The following SNAP23 variants were observed in gnomAD, a reference collection of about 807,000 sequenced individuals.
The protein encoded by SNAP23 is synaptosomal-associated protein 23.
A neutral mutation model predicts 29.0 loss-of-function variants in SNAP23; 11 were observed. The observed-to-expected ratio is 0.38, with a 90% CI of 0.24 to 0.63. The LOEUF is 0.63. Ranked by LOEUF, SNAP23 falls within the 20% of genes least tolerant of loss-of-function variation. The probability of loss-of-function intolerance (pLI) is 0.58; values close to 1 mark genes in which losing one functional copy is unlikely to be tolerated. For synonymous variants in SNAP23, 60 were observed against 82.9 expected (o/e 0.72, Z 1.50); for missense variants, 220 against 253.9 (o/e 0.87, Z 0.91).
At chr15:42,528,186 G>A (rs1415685715) in intron 5 of SNAP23, 76 bp from the exon 6 acceptor site, 16 of 1,268,118 alleles carry the variant, frequency 1.3e-5, no homozygotes, top group Non-Finnish European at 1.8e-5. Context: ...TCATCCTCAA[G>A]GTAACAGGCA....
At chr15:42,511,809 C>T in intron 1 of SNAP23, 24 bp from the exon 2 acceptor site, 1 of 1,422,548 alleles carries the variant, frequency 7.0e-7, no homozygotes, top group Non-Finnish European at 9.7e-7. Context: ...ACAATATCCA[C>T]ATTTCCATTT....
At chr15:42,510,893 T>C (rs2057353996) in intron 1 of SNAP23, among the ~76,000 whole-genome samples, 1 of 152,000 alleles carries the variant, frequency 6.6e-6, no homozygotes, top group Non-Finnish European at 1.5e-5. Flanking sequence ...CTGGCCCAAG[T>C]TGTGACAATC....
intron 4 of SNAP23, 95 bp downstream of exon 4, chr15:42,513,542 C>G (rs956742648): frequency 1.1e-6 from 1 of 924,718 alleles, no homozygotes; most frequent in Admixed American, 1.9e-5. Flanking sequence ...TTTGGGAGAG[C>G]CTTCCCTTTG....
chr15:42,499,122 A>C (rs2141498888), intron 1 of SNAP23, among the ~76,000 whole-genome samples: 1 of 150,568 alleles, frequency 6.6e-6, no homozygotes, highest in African/African-American at 2.4e-5. Context: ...AGGCTGGAGT[A>C]CAATATCTTG....
At chr15:42,521,554 T>G (rs2057449642) in intron 5 of SNAP23, 28 of 1,517,118 alleles carry the variant, frequency 1.8e-5, no homozygotes, top group Non-Finnish European at 2.3e-5. Flanking sequence ...ATTTACTATT[T>G]TCTGCATTTC....
chr15:42,520,714 T>C (rs941195616), intron 5 of SNAP23, among the ~76,000 whole-genome samples: 2 of 152,122 alleles, frequency 1.3e-5, no homozygotes, highest in Non-Finnish European at 2.9e-5. Flanking sequence ...CAGGATGGTC[T>C]CGATCTCCTG....
intron 1 of SNAP23, among the ~76,000 whole-genome samples, chr15:42,497,043 C>CTT (rs1223381614): frequency 8.5e-5 from 12 of 141,250 alleles, no homozygotes; most frequent in Non-Finnish European, 7.8e-5. Context: ...TTCTTTCTTT[C>CTT]TTTTTTTTTT....
chr15:42,496,510 A>G (rs190165739), intron 1 of SNAP23, among the ~76,000 whole-genome samples: 2 of 152,246 alleles, frequency 1.3e-5, no homozygotes, highest in East Asian at 3.9e-4. Context: ...TGAGATCAGG[A>G]GTTCGAGACC....
rs1183538273 is a variant in SNAP23, at chr15:42,531,450, C to T, written c.608C>T (p.Ala203Val). The T allele has an allele frequency of 1.3e-6, 2 of 1,597,960 alleles. No individual in the cohort carries two copies. The highest frequency in any genetic ancestry group is 1.7e-6 in the Non-Finnish European group (2 of 1,173,604). ...TNRDRIDIAN[A>V]RAKKLIDS Reference sequence around the variant, plus strand: ...AGAGATCGTATTGATATTGCCAATGCCAGAGCAAAGAAACTCATTGACAGC... The same window carrying T: ...AGAGATCGTATTGATATTGCCAATGTCAGAGCAAAGAAACTCATTGACAGC... Residue 203 changes from alanine (A) to valine (V), a missense_variant, in exon 8 of 8, where the codon GCC (alanine) becomes GTC (valine). Physicochemically the swap from Ala to Val is moderately conservative, Grantham distance 64. Coordinates refer to ENST00000249647, the MANE Select transcript of SNAP23 (RefSeq NM_003825.4).
chr15:42,494,157 A>AT (rs2057196046), upstream of SNAP23, among the ~76,000 whole-genome samples: 1 of 152,066 alleles, frequency 6.6e-6, no homozygotes, highest in East Asian at 1.9e-4. Flanking sequence ...ATCCTTCATC[A>AT]TTCTCCCTCC....
intron 1 of SNAP23, among the ~76,000 whole-genome samples, chr15:42,505,999 G>A (rs899263004): frequency 2.0e-5 from 3 of 149,518 alleles, no homozygotes; most frequent in African/African-American, 4.9e-5. Context: ...AGGCTGGAGT[G>A]TAGTGGCATG....
At chr15:42,525,967 G>T (rs2057498247) in intron 5 of SNAP23, among the ~76,000 whole-genome samples, 1 of 152,124 alleles carries the variant, frequency 6.6e-6, no homozygotes, top group South Asian at 2.1e-4. Flanking sequence ...TGGGAAGGAG[G>T]TTGGAATGCA....
At chr15:42,519,377 C>T (rs57498153) in intron 5 of SNAP23, among the ~76,000 whole-genome samples, 6,865 of 138,986 alleles carry the variant, frequency 0.049, 530 homozygotes, top group African/African-American at 0.17. Flanking sequence ...TTTTCTTTTT[C>T]TTTTTTTTTT....
intron 1 of SNAP23, among the ~76,000 whole-genome samples, chr15:42,503,589 C>G (rs915194198): frequency 6.6e-6 from 1 of 152,204 alleles, no homozygotes; most frequent in East Asian, 1.9e-4. Flanking sequence ...AGGCTGGTCT[C>G]GAACCCATGA....
At chr15:42,491,334 G>C (rs918199046), upstream of SNAP23, 1 of 152,390 alleles carries the variant, frequency 6.6e-6, no homozygotes, top group Admixed American at 6.5e-5. Context: ...CAGCCTCCCT[G>C]GTCCCTTTTT....
Position 42,529,532 on chromosome 15 carries a change from G to A in SNAP23, c.426-143G>A, listed in dbSNP as rs192250878. On this transcript the variant is annotated intron_variant, in intron 6 of 7. Coordinates refer to ENST00000249647, the MANE Select transcript of SNAP23 (RefSeq NM_003825.4). The stretch of plus-strand genomic sequence containing the variant: ...AGTCTCCCAGTTTTTATTATAGAAT[G>A]TTTCCCAGGAATGGTAACCTATATT... 4.5e-5 allele frequency: 34 copies of A among 758,342 alleles called. No homozygotes were observed. The East Asian group carries it at 7.9e-4, about 18-fold the overall frequency. The allele number at this position is 758,342 out of a possible 1,614,324, so 47.0% of individuals were successfully genotyped here. A position where few individuals can be genotyped will look rare whatever the true frequency, so the allele number is the denominator to read the frequency against.
intron 1 of SNAP23, among the ~76,000 whole-genome samples, chr15:42,504,763 C>A (rs2057304132): frequency 6.6e-6 from 1 of 152,154 alleles, no homozygotes; most frequent in Non-Finnish European, 1.5e-5. Flanking sequence ...GGTCACACAA[C>A]AAATACATTG....
chr15:42,515,025 T>C (rs892940720), intron 4 of SNAP23, among the ~76,000 whole-genome samples: 5 of 152,096 alleles, frequency 3.3e-5, no homozygotes, highest in Admixed American at 3.3e-4. Flanking sequence ...TAGAACAAAT[T>C]TTTCCACAGC....
At chr15:42,506,497 A>T (rs1172620538) in intron 1 of SNAP23, among the ~76,000 whole-genome samples, 1 of 152,200 alleles carries the variant, frequency 6.6e-6, no homozygotes, top group Non-Finnish European at 1.5e-5. Flanking sequence ...CTCAGCCCTC[A>T]AAAGTGCCAG....
Sources: gnomAD v4.1 joint callset for allele counts (sites outside exome capture counted in the v4.1 genomes callset) on GRCh38, gnomAD v4.1.1 for gene constraint, MANE v1.5 for transcripts, NCBI Gene and HGNC (gene_info 2026-07-23, HGNC 2026-07-21) for gene names.